RGS7: variants seen among roughly 807,000 people sequenced by gnomAD.
The protein encoded by RGS7 is regulator of G protein signaling 7.
A neutral mutation model predicts 81.1 loss-of-function variants in RGS7; 27 were observed. That is an observed-to-expected ratio of 0.33 (90% CI 0.25 to 0.46). The LOEUF is 0.46. Among genes scored for constraint, RGS7 ranks in the 20% least tolerant of loss-of-function variants. RGS7 has a pLI of 1.00. For synonymous variants in RGS7, 208 were observed against 207.7 expected (o/e 1.00, Z -0.01); for missense variants, 396 against 607.4 (o/e 0.65, Z 3.66).
intron 3 of RGS7, among the ~76,000 whole-genome samples, chr1:241,007,020 G>A (rs929343333): frequency 6.6e-6 from 1 of 152,074 alleles, no homozygotes; most frequent in African/African-American, 2.4e-5. Context: ...GGGATCAAGC[G>A]ATTCTCCTGT....
At chr1:241,152,879 A>G (rs1257572021) in intron 2 of RGS7, among the ~76,000 whole-genome samples, 1 of 152,216 alleles carries the variant, frequency 6.6e-6, no homozygotes, top group Non-Finnish European at 1.5e-5. Flanking sequence ...TCTTAAGCCC[A>G]TGAGATTCAG....
intron 2 of RGS7, among the ~76,000 whole-genome samples, chr1:241,257,287 C>T (rs2077099851): frequency 6.6e-6 from 1 of 152,034 alleles, no homozygotes; most frequent in South Asian, 2.1e-4. Flanking sequence ...GTCCCCCAAA[C>T]CCTTTTATAA....
At chr1:240,847,839 C>T (rs1005981921) in intron 9 of RGS7, among the ~76,000 whole-genome samples, 2 of 152,056 alleles carry the variant, frequency 1.3e-5, no homozygotes, top group African/African-American at 4.8e-5. Flanking sequence ...CAAACAAAAT[C>T]CAATATCACA....
intron 3 of RGS7, among the ~76,000 whole-genome samples, chr1:241,002,918 CA>C (rs1465060966): frequency 6.6e-6 from 1 of 152,096 alleles, no homozygotes. Context: ...AACATGAAAA[CA>C]AAAAATTTAT....
intron 18 of RGS7, among the ~76,000 whole-genome samples, chr1:240,776,589 A>G (rs982357044): frequency 6.6e-6 from 1 of 152,222 alleles, no homozygotes; most frequent in Non-Finnish European, 1.5e-5. Flanking sequence ...GTTACAACAA[A>G]TCTTAGTAAG....
At chr1:241,134,456 AATT>A (rs749439863) in intron 2 of RGS7, among the ~76,000 whole-genome samples, 8 of 152,230 alleles carry the variant, frequency 5.3e-5, no homozygotes, top group Non-Finnish European at 1.0e-4. Flanking sequence ...TATAAAATGC[AATT>A]ATTATTGTAT....
intron 10 of RGS7, among the ~76,000 whole-genome samples, chr1:240,820,311 T>C (rs1263107795): frequency 2.0e-5 from 3 of 152,190 alleles, no homozygotes; most frequent in Non-Finnish European, 4.4e-5. Flanking sequence ...ACACGTTCCT[T>C]TATTCCTATG....
At chr1:241,183,108 G>C (rs942063384) in intron 2 of RGS7, among the ~76,000 whole-genome samples, 1 of 152,150 alleles carries the variant, frequency 6.6e-6, no homozygotes, top group East Asian at 1.9e-4. Context: ...CTGCTGGCTG[G>C]GTTCTTCTCC....
chr1:241,254,948 G>A (rs535183324), intron 2 of RGS7, among the ~76,000 whole-genome samples: 1 of 152,168 alleles, frequency 6.6e-6, no homozygotes, highest in South Asian at 2.1e-4. Flanking sequence ...TTCAGAACTG[G>A]GCAAGTATCC....
chr1:240,836,269 G>A (rs1053965627), intron 9 of RGS7, among the ~76,000 whole-genome samples: 4 of 152,100 alleles, frequency 2.6e-5, no homozygotes, highest in African/African-American at 9.7e-5. Context: ...TGATTAAAAA[G>A]CAACCAAACA....
At chr1:240,805,572 T>C (rs961219563) in intron 15 of RGS7, among the ~76,000 whole-genome samples, 1 of 152,180 alleles carries the variant, frequency 6.6e-6, no homozygotes, top group Admixed American at 6.5e-5. Context: ...TCAGTTTTCC[T>C]TATTTTTTCT....
chr1:241,138,438 CAT>C (rs1410329387), intron 2 of RGS7, among the ~76,000 whole-genome samples: 1 of 152,072 alleles, frequency 6.6e-6, no homozygotes, highest in Admixed American at 6.5e-5. Flanking sequence ...AAGCACCTCA[CAT>C]GTGTATAGGG....
intron 2 of RGS7, among the ~76,000 whole-genome samples, chr1:241,212,805 T>C (rs1020399116): frequency 1.3e-5 from 2 of 152,186 alleles, no homozygotes; most frequent in African/African-American, 4.8e-5. Flanking sequence ...TCCGCGTTGT[T>C]GTAGGACAGC....
At chr1:241,282,775 TG>T (rs2078593284) in intron 2 of RGS7, among the ~76,000 whole-genome samples, 1 of 152,204 alleles carries the variant, frequency 6.6e-6, no homozygotes, top group Non-Finnish European at 1.5e-5. Flanking sequence ...TTATCATAAA[TG>T]GGTGTTAAAT....
chr1:241,073,048 G>T (rs1453483008), intron 3 of RGS7, among the ~76,000 whole-genome samples: 1 of 152,014 alleles, frequency 6.6e-6, no homozygotes, highest in African/African-American at 2.4e-5. Context: ...ATTTCTCATG[G>T]TGCTGAGTTC....
intron 3 of RGS7, among the ~76,000 whole-genome samples, chr1:240,997,108 G>C: frequency 6.6e-6 from 1 of 151,892 alleles, no homozygotes; most frequent in East Asian, 1.9e-4. Flanking sequence ...TACTATGCCC[G>C]ACTATGTTTT....
At chr1:240,969,218 T>C (rs1682817771) in intron 4 of RGS7, among the ~76,000 whole-genome samples, 1 of 152,218 alleles carries the variant, frequency 6.6e-6, no homozygotes, top group Non-Finnish European at 1.5e-5. Context: ...GGAAAGTTGC[T>C]TATGTCTTAT....
At chr1:241,134,853 G>A (rs985078638) in intron 2 of RGS7, among the ~76,000 whole-genome samples, 1 of 152,050 alleles carries the variant, frequency 6.6e-6, no homozygotes, top group Non-Finnish European at 1.5e-5. Context: ...GTCCCAAGGC[G>A]CAAGGCCACT....
At chr1:240,834,549 C>T (rs925784213) in intron 9 of RGS7, among the ~76,000 whole-genome samples, 7 of 152,074 alleles carry the variant, frequency 4.6e-5, no homozygotes, top group Non-Finnish European at 1.0e-4. Flanking sequence ...CTCGCTCCAC[C>T]GCCCAGACTG....
Sources: gnomAD v4.1 joint callset for allele counts (sites outside exome capture counted in the v4.1 genomes callset) on GRCh38, gnomAD v4.1.1 for gene constraint, MANE v1.5 for transcripts, NCBI Gene and HGNC (gene_info 2026-07-23, HGNC 2026-07-21) for gene names.